SIK3: variants seen among roughly 807,000 people sequenced by gnomAD.
The protein encoded by SIK3 is serine/threonine-protein kinase SIK3.
A neutral mutation model predicts 144.2 loss-of-function variants in SIK3; 28 were observed. The observed-to-expected ratio is 0.19, with a 90% CI of 0.14 to 0.27. The LOEUF (loss-of-function observed/expected upper bound fraction) is 0.27, where lower values mean the gene tolerates loss of function less well. Among genes scored for constraint, SIK3 ranks in the 10% least tolerant of loss-of-function variants. The pLI is 1.00. For missense variants in SIK3, 1,319 were observed against 1,776.0 expected, an observed-to-expected ratio of 0.74 and a Z score of 4.62; for synonymous variants, 686 against 676.3, an observed-to-expected ratio of 1.01 and a Z score of -0.22.
intron 1 of SIK3, among the ~76,000 whole-genome samples, chr11:117,090,892 T>C (rs1446026456): frequency 6.6e-6 from 1 of 152,244 alleles, no homozygotes; most frequent in Non-Finnish European, 1.5e-5. Flanking sequence ...CCTCTCATCA[T>C]GACATCTCGC....
intron 1 of SIK3, among the ~76,000 whole-genome samples, chr11:117,011,275 C>A (rs778102153): frequency 9.9e-5 from 15 of 152,026 alleles, no homozygotes; most frequent in Non-Finnish European, 2.1e-4. Context: ...TGCTGATGTG[C>A]TGCAAATAGA....
intron 1 of SIK3, among the ~76,000 whole-genome samples, chr11:117,049,583 AAAAG>A (rs1055498803): frequency 9.2e-5 from 14 of 152,330 alleles, no homozygotes; most frequent in South Asian, 8.3e-4. Flanking sequence ...ATCTCAAAAA[AAAAG>A]AAAGAAAGAA....
intron 1 of SIK3, among the ~76,000 whole-genome samples, chr11:117,085,678 A>T (rs915082808): frequency 6.6e-6 from 1 of 152,180 alleles, no homozygotes; most frequent in Non-Finnish European, 1.5e-5. Flanking sequence ...TCCACAATAC[A>T]TACTTTTTAA....
chr11:116,992,876 T>G (rs1950544210), intron 1 of SIK3, among the ~76,000 whole-genome samples: 1 of 152,034 alleles, frequency 6.6e-6, no homozygotes, highest in African/African-American at 2.4e-5. Flanking sequence ...TCCCAGCTAT[T>G]TGGGAGGCTG....
chr11:117,000,053 A>G (rs973893844), intron 1 of SIK3, among the ~76,000 whole-genome samples: 1 of 152,222 alleles, frequency 6.6e-6, no homozygotes, highest in African/African-American at 2.4e-5. Context: ...TATGTAAGTA[A>G]GGTAAATATC....
chr11:116,916,025 G>A (rs936982885), intron 4 of SIK3, among the ~76,000 whole-genome samples: 7 of 152,054 alleles, frequency 4.6e-5, no homozygotes, highest in African/African-American at 1.2e-4. Flanking sequence ...TAAGAAGGGC[G>A]GAAAGACCTA....
chr11:117,030,430 T>TA (rs1414317678), intron 1 of SIK3, among the ~76,000 whole-genome samples: 2 of 152,254 alleles, frequency 1.3e-5, no homozygotes, highest in Non-Finnish European at 2.9e-5. Context: ...ATTTAAAATC[T>TA]ATATTCATGG....
rs773032550 is a variant in SIK3, at chr11:116,876,267, C to T, written c.1081G>A (p.Glu361Lys). 1.2e-6 allele frequency: 2 copies of T among 1,614,120 alleles called. No homozygotes were observed. The highest frequency in any genetic ancestry group is 4.5e-5 in the East Asian group (2 of 44,890). ...LAMEDMGLDK[E>K]QTLQSLRSDA... is the part of the protein sequence containing the mutation. ...TTCGGAGATACCTGCAGTGTCTGTT[C>T]TTTGTCCAGTCCCATGTCCTCCATG... Residue 361 changes from glutamate (E) to lysine (K), a missense_variant, in exon 8 of 25, where the codon GAA (glutamate) becomes AAA (lysine). Physicochemically the swap from Glu to Lys is moderately conservative, Grantham distance 56. Coordinates refer to ENST00000445177, the MANE Select transcript of SIK3 (RefSeq NM_001366686.3).
chr11:116,897,349 T>C, intron 4 of SIK3, 32 bp from the exon 5 acceptor site: 12 of 1,596,224 alleles, frequency 7.5e-6, no homozygotes, highest in Non-Finnish European at 9.4e-6. Flanking sequence ...ATTCGTATTA[T>C]TGTAACCTTT....
intron 1 of SIK3, among the ~76,000 whole-genome samples, chr11:116,983,958 G>C (rs1223979560): frequency 6.6e-6 from 1 of 151,176 alleles, no homozygotes; most frequent in Non-Finnish European, 1.5e-5. Flanking sequence ...GGCTGAGGCA[G>C]GAGGAGCACT....
intron 1 of SIK3, among the ~76,000 whole-genome samples, chr11:117,066,228 C>A (rs1954011881): frequency 6.6e-6 from 1 of 151,890 alleles, no homozygotes; most frequent in Non-Finnish European, 1.5e-5. Context: ...GCCACCATGT[C>A]TGGCTAATTT....
At chr11:117,038,032 T>G (rs1405629262) in intron 1 of SIK3, among the ~76,000 whole-genome samples, 1 of 152,196 alleles carries the variant, frequency 6.6e-6, no homozygotes, top group Non-Finnish European at 1.5e-5. Context: ...GGAAAACTCT[T>G]TTGTCTTATT....
At chr11:116,897,082 G>A (rs1294332002) in intron 5 of SIK3, 111 bp downstream of exon 5, 1 of 1,019,124 alleles carries the variant, frequency 9.8e-7, no homozygotes, top group African/African-American at 1.7e-5. Flanking sequence ...AAGAACAGGT[G>A]ACCAGGATCT....
intron 1 of SIK3, among the ~76,000 whole-genome samples, chr11:116,986,117 C>T (rs1950318930): frequency 6.6e-6 from 1 of 152,164 alleles, no homozygotes; most frequent in Non-Finnish European, 1.5e-5. Context: ...TCAGCCCACT[C>T]TTCCTCCTTT....
intron 3 of SIK3, among the ~76,000 whole-genome samples, chr11:116,945,201 C>T (rs1004774086): frequency 2.0e-5 from 3 of 151,888 alleles, no homozygotes; most frequent in African/African-American, 4.8e-5. Flanking sequence ...CCTCGTGATC[C>T]GCCCGCCTCA....
chr11:116,903,759 T>A (rs78832854), intron 4 of SIK3, among the ~76,000 whole-genome samples: 12,436 of 151,302 alleles, frequency 0.082, 640 homozygotes, highest in African/African-American at 0.14. Flanking sequence ...TTAAAAAAAA[T>A]TTTTTTGTAG....
chr11:116,847,100 C>A (rs1565350145), intron 23 of SIK3, among the ~76,000 whole-genome samples: 2 of 152,222 alleles, frequency 1.3e-5, no homozygotes, highest in Non-Finnish European at 2.9e-5. Flanking sequence ...TGGTGGCAGA[C>A]CTGCCCCGCC....
At chr11:116,888,779 C>G (rs1944955727) in intron 6 of SIK3, among the ~76,000 whole-genome samples, 1 of 152,170 alleles carries the variant, frequency 6.6e-6, no homozygotes, top group African/African-American at 2.4e-5. Context: ...TTAGGATAAT[C>G]CTGTTGGCTT....
chr11:117,005,998 G>A (rs1951033327), intron 1 of SIK3, among the ~76,000 whole-genome samples: 1 of 152,156 alleles, frequency 6.6e-6, no homozygotes. Flanking sequence ...TAAAGGGAGG[G>A]AAGGGAAGGA....
Sources: allele counts gnomAD v4.1 joint callset (sites outside exome capture counted in the v4.1 genomes callset), GRCh38; gene constraint gnomAD v4.1.1; transcripts MANE v1.5; gene names NCBI Gene and HGNC (gene_info 2026-07-23, HGNC 2026-07-21).